Variants in P2RX4 observed in about 807,000 individuals in gnomAD.
The protein encoded by P2RX4 is purinergic receptor P2X 4, also known as P2X purinoceptor 4.
In P2RX4, 37 loss-of-function variants were observed where a neutral mutation model predicts 48.0. The observed-to-expected ratio is 0.77, with a 90% CI of 0.59 to 1.01. The LOEUF (loss-of-function observed/expected upper bound fraction) is 1.01, where lower values mean the gene tolerates loss of function less well. Among genes scored for constraint, P2RX4 ranks in the 50% least tolerant of loss-of-function variants. The pLI is 0.00. For missense variants in P2RX4, 501 were observed against 521.4 expected (o/e 0.96, Z 0.38); for synonymous variants, 200 against 199.7 (o/e 1.00, Z -0.01).
rs543454402 is a variant in P2RX4, at chr12:121,229,170, G to A, written c.884+71G>A. 1.3e-5 allele frequency: 21 copies of A among 1,572,148 alleles called. No individual in the cohort carries two copies. Among genetic ancestry groups the A allele is most frequent in the Middle Eastern group, 3.4e-4 (2 of 5,804 alleles). On this transcript the variant is annotated intron_variant, in intron 8 of 11. Transcript: ENST00000337233. This position sits in a 1 kb window ranked among gnomAD's most constrained non-coding sequence, Gnocchi z 4.6. The stretch of plus-strand genomic sequence containing the variant: ...GTGGCTGCGTACGTGCCAGTGGGCC[G>A]CCCACTGAAGACCAGCACTCAGGCA...
intron 1 of P2RX4, among the ~76,000 whole-genome samples, chr12:121,210,604 ACC>A: frequency 6.6e-6 from 1 of 152,208 alleles, no homozygotes; most frequent in Admixed American, 6.5e-5. Context: ...ACATCGTGGG[ACC>A]CCGTCTCTGC....
rs1194701327 is a variant in P2RX4, at chr12:121,229,678, A to G, written c.884+579A>G. On this transcript the variant is annotated intron_variant, in intron 8 of 11. Coordinates refer to ENST00000337233, the MANE Select transcript of P2RX4 (RefSeq NM_002560.3). The surrounding 1 kb of genome is among the most constrained non-coding windows in gnomAD (Gnocchi z 4.6). The stretch of plus-strand genomic sequence containing the variant: ...ATTCTCTCACAGTTCTCACAGTTCT[A>G]GAGGCCACAACCTAAAATCCAGGCA... Among the ~76,000 whole-genome samples, 2 of 152,146 alleles carry G rather than the reference A, an allele frequency of 1.3e-5. No individual in the cohort carries two copies. Among genetic ancestry groups the G allele is most frequent in the East Asian group, 1.9e-4 (1 of 5,190 alleles).
intron 1 of P2RX4, chr12:121,212,824 A>ATTTTTTTTTTTT (rs1176783368): frequency 9.3e-5 from 3 of 32,252 alleles, no homozygotes; most frequent in African/African-American, 1.7e-4. Flanking sequence ...ATATATATAT[A>ATTTTTTTTTTTT]TTTTTTTTTT....
intron 11 of P2RX4, 75 bp downstream of exon 11, chr12:121,233,167 C>G: frequency 9.8e-7 from 1 of 1,016,450 alleles, no homozygotes; most frequent in African/African-American, 1.6e-5. Context: ...GTGGGCCTGT[C>G]TGGGGAGGCC....
intron 1 of P2RX4, chr12:121,215,196 TGC>T (rs1886146057): frequency 6.6e-6 from 1 of 152,224 alleles, no homozygotes; most frequent in Non-Finnish European, 1.5e-5. Flanking sequence ...TGTCAGTACT[TGC>T]TCTGTGACCA....
At chr12:121,221,856 C>A in intron 2 of P2RX4, 57 bp from the exon 3 acceptor site, 1 of 1,484,274 alleles carries the variant, frequency 6.7e-7, no homozygotes, top group Non-Finnish European at 9.4e-7. Flanking sequence ...GTCTGCCTTT[C>A]TTGGCTCTCC....
intron 1 of P2RX4, chr12:121,212,824 A>ATATATATATATTTTTTT (rs370835501): frequency 4.3e-4 from 14 of 32,248 alleles, no homozygotes; most frequent in Admixed American, 5.4e-4. Context: ...ATATATATAT[A>ATATATATATATTTTTTT]TTTTTTTTTT....
In P2RX4 at chr12:121,229,002, CTGGACA is replaced by C. The variant is rs1483645967; in HGVS notation, c.788_793del (p.Leu263_Asp264del). On this transcript the variant is annotated inframe_deletion, in exon 8 of 12. Coordinates refer to ENST00000337233, the MANE Select transcript of P2RX4 (RefSeq NM_002560.3). This position sits in a 1 kb window ranked among gnomAD's most constrained non-coding sequence, Gnocchi z 4.6. The stretch of plus-strand genomic sequence containing the variant: ...CATCCAGGTCAACTGGGACTGCAAC[CTGGACA>C]GAGCCGCCTCCCTCTGCTTGCCCAG... 6.2e-7 allele frequency: 1 copy of C among 1,614,128 alleles called. No homozygotes were observed. The highest frequency in any genetic ancestry group is 8.5e-7 in the Non-Finnish European group (1 of 1,180,036).
chr12:121,212,947 A>G (rs2136212910), intron 1 of P2RX4: 1 of 148,448 alleles, frequency 6.7e-6, no homozygotes, highest in African/African-American at 2.5e-5. Context: ...GTTTGCTGCT[A>G]GTGGGAGGAT....
chr12:121,212,077 A>G, intron 1 of P2RX4, among the ~76,000 whole-genome samples: 1 of 152,250 alleles, frequency 6.6e-6, no homozygotes, highest in East Asian at 1.9e-4. Context: ...GTGTTTCCCA[A>G]GTTTACCTGA....
chr12:121,220,279 AC>A (rs1024874783), intron 2 of P2RX4, among the ~76,000 whole-genome samples: 2 of 151,708 alleles, frequency 1.3e-5, no homozygotes, highest in Non-Finnish European at 2.9e-5. Context: ...TGATTGAGAA[AC>A]CATTGTTTCA....
intron 5 of P2RX4, among the ~76,000 whole-genome samples, chr12:121,225,354 G>C (rs1029571516): frequency 1.2e-4 from 18 of 151,924 alleles, no homozygotes; most frequent in African/African-American, 4.3e-4. Context: ...GATTATAGGT[G>C]TGAGCCACTG....
At chr12:121,211,404 C>A (rs1885836326) in intron 1 of P2RX4, among the ~76,000 whole-genome samples, 1 of 151,948 alleles carries the variant, frequency 6.6e-6, no homozygotes, top group African/African-American at 2.4e-5. Context: ...GGGTTTCAGG[C>A]TGGTCCTGAA....
At position 121,229,167 on chromosome 12, in the gene P2RX4, G is replaced by A; in HGVS notation, c.884+68G>A. Reference sequence around the variant, plus strand: ...CTGGTGGCTGCGTACGTGCCAGTGGGCCGCCCACTGAAGACCAGCACTCAG... The same window carrying A: ...CTGGTGGCTGCGTACGTGCCAGTGGACCGCCCACTGAAGACCAGCACTCAG... On this transcript the variant is annotated intron_variant, in intron 8 of 11. Transcript: ENST00000337233. This position sits in a 1 kb window ranked among gnomAD's most constrained non-coding sequence, Gnocchi z 4.6. 6.3e-7 allele frequency: 1 copy of A among 1,586,206 alleles called. No homozygotes were observed. Among genetic ancestry groups the A allele is most frequent in the Non-Finnish European group, 8.6e-7 (1 of 1,156,430 alleles).
At chr12:121,224,788 G>A (rs955028656) in intron 5 of P2RX4, among the ~76,000 whole-genome samples, 1 of 151,888 alleles carries the variant, frequency 6.6e-6, no homozygotes, top group African/African-American at 2.4e-5. Flanking sequence ...AGCTCAGACC[G>A]AGGTCTCCAT....
At chr12:121,212,238 C>G (rs576091596) in intron 1 of P2RX4, among the ~76,000 whole-genome samples, 31 of 152,190 alleles carry the variant, frequency 2.0e-4, no homozygotes, top group African/African-American at 7.2e-4. Context: ...AGACAGTATT[C>G]AAGAGGATGG....
Position 121,233,651 on chromosome 12 carries a change from T to G in P2RX4, c.*102T>G. ...TCACCCCAGAGAAATTTCTGGAATC[T>G]GATTGAGTCTCCACTCCACAAGCAC... On this transcript the variant is annotated 3_prime_UTR_variant, in exon 12 of 12. Transcript: ENST00000337233. 6.4e-7 allele frequency: 1 copy of G among 1,551,028 alleles called. No homozygotes were observed. Among genetic ancestry groups the G allele is most frequent in the Middle Eastern group, 1.7e-4 (1 of 5,982 alleles).
chr12:121,216,908 T>G (rs1481410887), intron 1 of P2RX4: 2 of 704,488 alleles, frequency 2.8e-6, no homozygotes, highest in Non-Finnish European at 2.6e-6. Flanking sequence ...CTGAGTGCTT[T>G]ACCTGCACCA....
At chr12:121,222,866 C>T (rs981051052) in intron 4 of P2RX4, 81 bp from the exon 5 acceptor site, 1 of 1,391,648 alleles carries the variant, frequency 7.2e-7, no homozygotes, top group Non-Finnish European at 1.0e-6. Flanking sequence ...CTGGATGGGG[C>T]TCTCACTCCC....
Sources: allele counts gnomAD v4.1 joint callset (sites outside exome capture counted in the v4.1 genomes callset), GRCh38; gene constraint gnomAD v4.1.1; non-coding constraint Gnocchi (gnomAD v3.1); transcripts MANE v1.5; gene names NCBI Gene and HGNC (gene_info 2026-07-23, HGNC 2026-07-21).